ARHGAP42: variants seen among roughly 807,000 people sequenced by gnomAD.
ARHGAP42 encodes Rho GTPase activating protein 42.
ARHGAP42 carries 63 observed loss-of-function variants against 125.0 expected under a neutral mutation model. The observed-to-expected ratio is 0.50, with a 90% CI of 0.41 to 0.62. The LOEUF (loss-of-function observed/expected upper bound fraction) is 0.62. Ranked by LOEUF, ARHGAP42 falls within the 20% of genes least tolerant of loss-of-function variation. The probability of loss-of-function intolerance (pLI) is 0.00; values close to 1 mark genes in which losing one functional copy is unlikely to be tolerated. For synonymous variants in ARHGAP42, 339 were observed against 351.0 expected, an observed-to-expected ratio of 0.97 and a Z score of 0.38; for missense variants, 766 against 1,024.2, an observed-to-expected ratio of 0.75 and a Z score of 3.44.
chr11:100,829,343 G>A (rs1864606029), intron 3 of ARHGAP42, among the ~76,000 whole-genome samples: 1 of 150,136 alleles, frequency 6.7e-6, no homozygotes, highest in African/African-American at 2.5e-5. Context: ...CTGGGTGAGA[G>A]AGCAAGACCC....
At chr11:100,746,637 G>A (rs1195401443) in intron 1 of ARHGAP42, among the ~76,000 whole-genome samples, 2 of 152,196 alleles carry the variant, frequency 1.3e-5, no homozygotes, top group Non-Finnish European at 2.9e-5. Flanking sequence ...CATGAGGTGA[G>A]TCATAGTTTG....
chr11:100,983,761 A>G (rs1396471237), intron 22 of ARHGAP42, among the ~76,000 whole-genome samples: 2 of 152,200 alleles, frequency 1.3e-5, no homozygotes, highest in African/African-American at 4.8e-5. Context: ...TGAGGCATTC[A>G]GTATTACTTA....
chr11:100,934,313 C>T (rs1244044689), intron 7 of ARHGAP42, among the ~76,000 whole-genome samples: 1 of 151,712 alleles, frequency 6.6e-6, no homozygotes, highest in Non-Finnish European at 1.5e-5. Flanking sequence ...TGGGTGTTCA[C>T]GCATGTGTGT....
chr11:100,881,883 G>T lies in ARHGAP42; in HGVS notation c.384+22258G>T, dbSNP rs563755263. On this transcript the variant is annotated intron_variant, in intron 4 of 23. Transcript: ENST00000298815. ...TTTTTCCTTCCAGCTATTGTAAAAG[G>T]AGTTGAGTTCTTGATTTGATTTTCA... Among the ~76,000 whole-genome samples, 10 of 152,206 alleles carry T rather than the reference G, an allele frequency of 6.6e-5. No homozygotes were observed. In the South Asian group the frequency reaches 2.1e-3, roughly 32 times the overall value.
At chr11:100,724,555 G>A (rs1380666496) in intron 1 of ARHGAP42, among the ~76,000 whole-genome samples, 3 of 152,040 alleles carry the variant, frequency 2.0e-5, no homozygotes, top group Non-Finnish European at 4.4e-5. Context: ...ATCTTTCAAG[G>A]TATTGGTTCA....
In ARHGAP42 at chr11:100,783,631, T is replaced by G. The variant is rs1038058754; in HGVS notation, c.251-11474T>G. ...GTTTGTAGGGAAACCTGGTCATTTC[T>G]TGCCACTTTGTCCTTCACAGCCTGA... On this transcript the variant is annotated intron_variant, in intron 2 of 23. Coordinates refer to ENST00000298815, the MANE Select transcript of ARHGAP42 (RefSeq NM_152432.4). 4.1e-4 allele frequency among the ~76,000 whole-genome samples: 63 copies of G among 152,230 alleles called. 1 individual carries two copies. The highest frequency in any genetic ancestry group is 8.8e-4 in the Non-Finnish European group (60 of 68,042).
At chr11:100,868,846 G>A (rs543739461) in intron 4 of ARHGAP42, among the ~76,000 whole-genome samples, 1 of 152,076 alleles carries the variant, frequency 6.6e-6, no homozygotes, top group South Asian at 2.1e-4. Context: ...TACCTTCATA[G>A]GATTGAAATA....
intron 3 of ARHGAP42, among the ~76,000 whole-genome samples, chr11:100,828,259 T>TAA (rs3216143): frequency 1.0e-3 from 155 of 149,330 alleles, no homozygotes; most frequent in Middle Eastern, 7.0e-3. Context: ...TTCCCCAGTT[T>TAA]AAAAAAAAAA....
At chr11:100,771,421 C>A (rs933696502) in intron 2 of ARHGAP42, among the ~76,000 whole-genome samples, 4 of 152,008 alleles carry the variant, frequency 2.6e-5, no homozygotes, top group Admixed American at 6.6e-5. Flanking sequence ...GATGTGTGGT[C>A]CCTTTGTAGG....
intron 1 of ARHGAP42, among the ~76,000 whole-genome samples, chr11:100,728,177 A>T (rs988018125): frequency 6.6e-6 from 1 of 152,090 alleles, no homozygotes; most frequent in Non-Finnish European, 1.5e-5. Context: ...AAGAAGAAAG[A>T]CATAGATTTT....
chr11:100,949,902 T>G lies in ARHGAP42; in HGVS notation c.1123-15T>G. On this transcript the variant is annotated splice_polypyrimidine_tract_variant and intron_variant, in intron 11 of 23. Transcript: ENST00000298815. The stretch of plus-strand genomic sequence containing the variant: ...ATTAACTGGAAGTAACTAATGGACA[T>G]CCTTTGTTTTTTAGATTTATACTCT... 6.9e-7 allele frequency: 1 copy of G among 1,447,668 alleles called. No individual in the cohort carries two copies. The highest frequency in any genetic ancestry group is 9.4e-7 in the Non-Finnish European group (1 of 1,068,638). The allele number at this position is 1,447,668 out of a possible 1,614,324, so 89.7% of individuals were successfully genotyped here. A position where few individuals can be genotyped will look rare whatever the true frequency, so the allele number is the denominator to read the frequency against.
chr11:100,891,878 C>T (rs575083153), intron 4 of ARHGAP42, among the ~76,000 whole-genome samples: 1 of 152,250 alleles, frequency 6.6e-6, no homozygotes, highest in African/African-American at 2.4e-5. Flanking sequence ...TGTGGAAGTC[C>T]AGTCTCTGGA....
chr11:100,865,678 A>G (rs1206327363), intron 4 of ARHGAP42, among the ~76,000 whole-genome samples: 1 of 152,204 alleles, frequency 6.6e-6, no homozygotes, highest in Non-Finnish European at 1.5e-5. Context: ...TGTAAAAGTT[A>G]TATTCATACT....
intron 4 of ARHGAP42, among the ~76,000 whole-genome samples, chr11:100,867,411 T>C (rs898934607): frequency 2.6e-5 from 4 of 152,248 alleles, no homozygotes; most frequent in Non-Finnish European, 5.9e-5. Context: ...AGCCTCTACA[T>C]CAGCATTTGC....
intron 17 of ARHGAP42, 23 bp from the exon 18 acceptor site, chr11:100,973,152 T>C (rs1858297570): frequency 1.3e-6 from 2 of 1,492,758 alleles, no homozygotes; most frequent in Non-Finnish European, 1.8e-6. Context: ...ACTTAAGATA[T>C]TTTTGTTGCT....
chr11:100,806,259 G>A (rs74977722), intron 3 of ARHGAP42, among the ~76,000 whole-genome samples: 2,824 of 152,134 alleles, frequency 0.019, 67 homozygotes, highest in African/African-American at 0.064. Flanking sequence ...TTTAAATATC[G>A]AAAGAATTAC....
At chr11:100,887,004 T>C (rs181715303) in intron 4 of ARHGAP42, among the ~76,000 whole-genome samples, 1 of 152,302 alleles carries the variant, frequency 6.6e-6, no homozygotes, top group Admixed American at 6.5e-5. Flanking sequence ...GATACTGTGC[T>C]GAGTACTGAC....
intron 1 of ARHGAP42, among the ~76,000 whole-genome samples, chr11:100,690,444 C>T (rs1345671650): frequency 1.3e-5 from 2 of 152,104 alleles, no homozygotes; most frequent in Non-Finnish European, 2.9e-5. Flanking sequence ...ATGCTCCTTG[C>T]TCTGTGGTTC....
chr11:100,914,486 C>T (rs1044770873), intron 5 of ARHGAP42, among the ~76,000 whole-genome samples: 4 of 149,366 alleles, frequency 2.7e-5, no homozygotes, highest in Non-Finnish European at 5.9e-5. Flanking sequence ...AACAAACAGA[C>T]TCCCTTGCCA....
Sources: allele counts gnomAD v4.1 joint callset (sites outside exome capture counted in the v4.1 genomes callset), GRCh38; gene constraint gnomAD v4.1.1; transcripts MANE v1.5; gene names NCBI Gene and HGNC (gene_info 2026-07-23, HGNC 2026-07-21).